CDH18: variants seen among roughly 807,000 people sequenced by gnomAD.
CDH18 encodes the protein cadherin-18.
In CDH18, 31 loss-of-function variants were observed where a neutral mutation model predicts 67.9. The observed-to-expected ratio is 0.46, with a 90% CI of 0.34 to 0.62. The LOEUF is 0.62. Among genes scored for constraint, CDH18 ranks in the 20% least tolerant of loss-of-function variants. The pLI is 0.01. For missense variants in CDH18, 890 were observed against 975.5 expected (o/e 0.91, Z 1.17); for synonymous variants, 362 against 347.2 (o/e 1.04, Z -0.48).
chr5:20,169,794 T>C (rs1227700006), intron 2 of CDH18, among the ~76,000 whole-genome samples: 1 of 152,090 alleles, frequency 6.6e-6, no homozygotes, highest in African/African-American at 2.4e-5. Flanking sequence ...GAAAAAAATG[T>C]AATGAATGAA....
intron 2 of CDH18, among the ~76,000 whole-genome samples, chr5:20,097,058 C>A (rs967961581): frequency 1.7e-4 from 26 of 152,026 alleles, no homozygotes; most frequent in African/African-American, 4.3e-4. Flanking sequence ...TATATGTCTA[C>A]CATTTCTTGA....
At chr5:20,058,055 T>A (rs953433528) in intron 2 of CDH18, among the ~76,000 whole-genome samples, 33 of 152,252 alleles carry the variant, frequency 2.2e-4, no homozygotes, top group African/African-American at 7.9e-4. Context: ...AACAAAACCT[T>A]ACCTTAATTC....
chr5:20,013,664 C>T (rs533902898), intron 2 of CDH18, among the ~76,000 whole-genome samples: 15 of 152,034 alleles, frequency 9.9e-5, no homozygotes, highest in South Asian at 2.1e-4. Context: ...TAGATGTATA[C>T]ATTTCAAAAT....
intron 1 of CDH18, among the ~76,000 whole-genome samples, chr5:20,507,630 A>G (rs1025888730): frequency 4.6e-5 from 7 of 152,192 alleles, no homozygotes; most frequent in African/African-American, 1.7e-4. Flanking sequence ...AAGATACTGA[A>G]CAAAAAGACA....
At chr5:19,491,382 C>T (rs539109108) in intron 11 of CDH18, among the ~76,000 whole-genome samples, 2 of 152,282 alleles carry the variant, frequency 1.3e-5, no homozygotes, top group South Asian at 2.1e-4. Flanking sequence ...AATGGTTATA[C>T]TCTGTAGAGA....
At chr5:20,479,770 T>C (rs1000364515) in intron 1 of CDH18, among the ~76,000 whole-genome samples, 3 of 152,062 alleles carry the variant, frequency 2.0e-5, no homozygotes, top group African/African-American at 4.8e-5. Flanking sequence ...GAGAAAGTTA[T>C]CAATATTCAA....
chr5:19,814,598 T>C (rs568616832), intron 3 of CDH18, among the ~76,000 whole-genome samples: 3 of 152,144 alleles, frequency 2.0e-5, no homozygotes, highest in Admixed American at 6.6e-5. Context: ...ACGAACCCTA[T>C]ACCCTTTTGC....
intron 1 of CDH18, among the ~76,000 whole-genome samples, chr5:20,352,643 A>T (rs1741292850): frequency 6.7e-6 from 1 of 149,632 alleles, no homozygotes; most frequent in Non-Finnish European, 1.5e-5. Context: ...AAAAAAAAAA[A>T]AATTAGCCAG....
At chr5:19,898,613 C>A (rs896376666) in intron 2 of CDH18, among the ~76,000 whole-genome samples, 1 of 120,406 alleles carries the variant, frequency 8.3e-6, no homozygotes, top group African/African-American at 2.9e-5. Context: ...TATATGAATT[C>A]TTAATTATAT....
chr5:19,938,184 T>C (rs1665344146), intron 2 of CDH18, among the ~76,000 whole-genome samples: 1 of 150,674 alleles, frequency 6.6e-6, no homozygotes. Flanking sequence ...CCATGTTTCA[T>C]GGAAACTTGT....
chr5:20,121,731 A>G (rs1424379336), intron 2 of CDH18, among the ~76,000 whole-genome samples: 1 of 152,200 alleles, frequency 6.6e-6, no homozygotes, highest in South Asian at 2.1e-4. Context: ...CTATGGGAGG[A>G]AAATTCTGAT....
chr5:20,499,011 G>T (rs6864131), intron 1 of CDH18, among the ~76,000 whole-genome samples: 71,874 of 151,686 alleles, frequency 0.47, 17,234 homozygotes, highest in East Asian at 0.56. Context: ...TAGAAACGCA[G>T]CTCACAATTT....
chr5:19,579,761 C>A (rs1742923155), intron 7 of CDH18, among the ~76,000 whole-genome samples: 1 of 151,618 alleles, frequency 6.6e-6, no homozygotes, highest in South Asian at 2.1e-4. Flanking sequence ...GTTTTTAAGG[C>A]ACATGTTTAC....
At chr5:19,994,332 T>TG (rs1561695162) in intron 2 of CDH18, among the ~76,000 whole-genome samples, 10 of 151,396 alleles carry the variant, frequency 6.6e-5, no homozygotes, top group African/African-American at 2.2e-4. Context: ...TATACATATA[T>TG]TTATACACCT....
chr5:19,819,199 A>C (rs1391726326), intron 3 of CDH18, among the ~76,000 whole-genome samples: 1 of 152,164 alleles, frequency 6.6e-6, no homozygotes, highest in Middle Eastern at 3.4e-3. Context: ...ATGTCAACAG[A>C]ATTAATTATA....
intron 1 of CDH18, among the ~76,000 whole-genome samples, chr5:20,506,698 A>G (rs889584976): frequency 6.6e-6 from 1 of 152,250 alleles, no homozygotes; most frequent in Non-Finnish European, 1.5e-5. Flanking sequence ...AATGTGTAGT[A>G]TTGTAAACTG....
chr5:19,650,690 T>C (rs977238006), intron 5 of CDH18, among the ~76,000 whole-genome samples: 4 of 152,002 alleles, frequency 2.6e-5, no homozygotes, highest in Non-Finnish European at 5.9e-5. Context: ...AAAGAGATAA[T>C]AGGGGTCCTA....
intron 9 of CDH18, among the ~76,000 whole-genome samples, chr5:19,531,998 G>A (rs556942082): frequency 6.6e-6 from 1 of 152,248 alleles, no homozygotes; most frequent in Admixed American, 6.5e-5. Context: ...TGTGGACGAA[G>A]GTTGTGGAAA....
intron 2 of CDH18, among the ~76,000 whole-genome samples, chr5:20,235,422 T>C (rs993980011): frequency 6.6e-6 from 1 of 151,962 alleles, no homozygotes; most frequent in African/African-American, 2.4e-5. Flanking sequence ...TTTAAGCAAA[T>C]CAACAAGCAA....
Sources: gnomAD v4.1 joint callset for allele counts (sites outside exome capture counted in the v4.1 genomes callset) on GRCh38, gnomAD v4.1.1 for gene constraint, MANE v1.5 for transcripts, NCBI Gene and HGNC (gene_info 2026-07-23, HGNC 2026-07-21) for gene names.